ARHGEF38: variants seen among roughly 807,000 people sequenced by gnomAD.
The protein encoded by ARHGEF38 is Rho guanine nucleotide exchange factor (GEF) 38.
A neutral mutation model predicts 79.9 loss-of-function variants in ARHGEF38; 79 were observed. The ratio of observed to expected loss-of-function variants is 0.99; its 90% CI spans 0.82 to 1.19. The LOEUF is 1.19. Ranked by LOEUF, ARHGEF38 falls within the 50% of genes most tolerant of loss-of-function variation. The pLI is 0.00. For missense variants in ARHGEF38, 962 were observed against 907.2 expected (o/e 1.06, Z -0.78); for synonymous variants, 366 against 328.3 (o/e 1.11, Z -1.24).
At chr4:105,631,373 T>A in intron 4 of ARHGEF38, 1 of 1,007,102 alleles carries the variant, frequency 9.9e-7, no homozygotes, top group Non-Finnish European at 1.2e-6. Flanking sequence ...GTTCAAGGAT[T>A]ATGTGAGATA....
At position 105,667,107 on chromosome 4, in the gene ARHGEF38, A is replaced by C. The variant is rs139829404; in HGVS notation, c.1690-22A>C. The C allele has an allele frequency of 6.6e-4, 999 of 1,523,290 alleles. 8 individuals carry two copies. The African/African-American group carries it at 0.012, about 19-fold the overall frequency. 94.4% of individuals were successfully genotyped at this position (1,523,290 alleles called of 1,614,324 possible). A position where few individuals can be genotyped will look rare whatever the true frequency, so the allele number is the denominator to read the frequency against. On this transcript the variant is annotated intron_variant, in intron 11 of 13. Transcript: ENST00000420470. ...TTTATTATGTATCTGTCTAAACCAAAACTTCTCCTTATTTCTCCCAGCCAG... is the reference window on the plus strand; with the variant it reads ...TTTATTATGTATCTGTCTAAACCAACACTTCTCCTTATTTCTCCCAGCCAG...
chr4:105,574,773 A>G (rs907374076), intron 1 of ARHGEF38, among the ~76,000 whole-genome samples: 2 of 151,994 alleles, frequency 1.3e-5, no homozygotes, highest in Non-Finnish European at 1.5e-5. Flanking sequence ...TTTTGGTTAC[A>G]TAGATTGATT....
chr4:105,680,860 A>C lies in ARHGEF38; in HGVS notation c.*2923A>C, dbSNP rs200502099. On this transcript the variant is annotated 3_prime_UTR_variant, in exon 14 of 14. Transcript: ENST00000420470. Reference sequence around the variant, plus strand: ...AGCACGTATTTTCCATGATGGGATAAATGTTTTCATTTCAAGTGCCAATGT... The same window carrying C: ...AGCACGTATTTTCCATGATGGGATACATGTTTTCATTTCAAGTGCCAATGT... 1.3e-5 allele frequency: 2 copies of C among 152,174 alleles called. No individual in the cohort carries two copies. Among genetic ancestry groups the C allele is most frequent in the Non-Finnish European group, 2.9e-5 (2 of 68,018 alleles). The allele number at this position is 152,174 out of a possible 1,614,324, so 9.4% of individuals were successfully genotyped here.
At chr4:105,671,725 A>G (rs1339725552) in intron 13 of ARHGEF38, among the ~76,000 whole-genome samples, 1 of 152,202 alleles carries the variant, frequency 6.6e-6, no homozygotes, top group African/African-American at 2.4e-5. Context: ...ATATTGTAAT[A>G]TTTCACATTT....
At chr4:105,636,625 GA>G (rs1216933896) in intron 5 of ARHGEF38, among the ~76,000 whole-genome samples, 1 of 151,918 alleles carries the variant, frequency 6.6e-6, no homozygotes, top group Non-Finnish European at 1.5e-5. Context: ...AAACCTTTTA[GA>G]AGAATCCCAA....
intron 2 of ARHGEF38, among the ~76,000 whole-genome samples, chr4:105,601,873 T>C (rs773522403): frequency 6.6e-6 from 1 of 152,196 alleles, no homozygotes; most frequent in Non-Finnish European, 1.5e-5. Context: ...GTTTTATCCC[T>C]ATAACATTTA....
chr4:105,613,407 C>T lies in ARHGEF38; in HGVS notation c.408C>T (p.Ser136=). 6.2e-7 allele frequency: 1 copy of T among 1,613,238 alleles called. No homozygotes were observed. The highest frequency in any genetic ancestry group is 8.5e-7 in the Non-Finnish European group (1 of 1,179,400). Residue 136 remains serine, a synonymous_variant, in exon 3 of 14, where the codon AGC becomes AGT. Coordinates refer to ENST00000420470, the MANE Select transcript of ARHGEF38 (RefSeq NM_001242729.2). ...NKKTDRLDVD[S]LFSNIESVHQ... ...AGACTGATAGGCTGGATGTGGATAG[C>T]TTGTTTAGCAACATTGAGTCCGTGC...
intron 8 of ARHGEF38, 78 bp from the exon 9 acceptor site, chr4:105,655,525 T>A: frequency 2.8e-6 from 4 of 1,419,044 alleles, no homozygotes; most frequent in South Asian, 1.4e-5. Flanking sequence ...GTTATGCTGA[T>A]GAAGTCCACA....
intron 13 of ARHGEF38, among the ~76,000 whole-genome samples, chr4:105,671,994 C>G (rs1730971966): frequency 6.6e-6 from 1 of 152,030 alleles, no homozygotes; most frequent in Non-Finnish European, 1.5e-5. Context: ...ACAAAAAGGA[C>G]AGGTGGCCTC....
intron 1 of ARHGEF38, among the ~76,000 whole-genome samples, chr4:105,587,437 T>C (rs1250589332): frequency 6.6e-6 from 1 of 152,164 alleles, no homozygotes; most frequent in East Asian, 1.9e-4. Context: ...TGTTCTTATA[T>C]AGCTCATGTG....
intron 7 of ARHGEF38, among the ~76,000 whole-genome samples, chr4:105,653,116 G>A (rs532544838): frequency 6.6e-6 from 1 of 152,190 alleles, no homozygotes; most frequent in South Asian, 2.1e-4. Flanking sequence ...GCTATTAATA[G>A]CAGCAATAAA....
In ARHGEF38 at chr4:105,679,656, G is replaced by T. The variant is rs1731242758; in HGVS notation, c.*1719G>T. The T allele has an allele frequency of 5.0e-6, 4 of 800,518 alleles. No homozygotes were observed. Among genetic ancestry groups the T allele is most frequent in the Admixed American group, 3.5e-5 (2 of 57,748 alleles). The allele number at this position is 800,518 out of a possible 1,614,324, so 49.6% of individuals were successfully genotyped here. On this transcript the variant is annotated 3_prime_UTR_variant, in exon 14 of 14. Transcript: ENST00000420470. ...AAGCCAGAGACCTTATGGCATCCATGCTTTTAAATTTAACTAAATCCATTG... is the reference window on the plus strand; with the variant it reads ...AAGCCAGAGACCTTATGGCATCCATTCTTTTAAATTTAACTAAATCCATTG...
chr4:105,661,445 G>A (rs190945539), intron 10 of ARHGEF38, among the ~76,000 whole-genome samples: 15 of 150,288 alleles, frequency 1.0e-4, no homozygotes, highest in Admixed American at 2.0e-4. Flanking sequence ...CAGCAGTATC[G>A]ACTGAGAGTT....
intron 2 of ARHGEF38, among the ~76,000 whole-genome samples, chr4:105,601,288 A>T (rs1046095090): frequency 5.3e-5 from 8 of 152,086 alleles, no homozygotes; most frequent in African/African-American, 1.4e-4. Flanking sequence ...TTTGCCTTGA[A>T]TGCTCTTCCC....
chr4:105,559,739 G>T (rs1336224151), intron 1 of ARHGEF38, among the ~76,000 whole-genome samples: 1 of 152,084 alleles, frequency 6.6e-6, no homozygotes, highest in Non-Finnish European at 1.5e-5. Context: ...GTCCCACAAA[G>T]GAGGCAGCTA....
At chr4:105,598,839 GTT>G (rs1727699998) in intron 2 of ARHGEF38, among the ~76,000 whole-genome samples, 1 of 152,124 alleles carries the variant, frequency 6.6e-6, no homozygotes, top group Non-Finnish European at 1.5e-5. Flanking sequence ...ATGTAAGTGT[GTT>G]AATAAGGGCA....
intron 1 of ARHGEF38, among the ~76,000 whole-genome samples, chr4:105,585,945 G>A (rs1464581865): frequency 6.6e-6 from 1 of 151,616 alleles, no homozygotes; most frequent in Admixed American, 6.6e-5. Context: ...TGGTCAGGCC[G>A]GTATGAAACT....
At chr4:105,563,672 TTTAG>T (rs2110406284) in intron 1 of ARHGEF38, among the ~76,000 whole-genome samples, 1 of 152,248 alleles carries the variant, frequency 6.6e-6, no homozygotes, top group South Asian at 2.1e-4. Context: ...AACCTTAGTT[TTTAG>T]TAGTAGTACC....
intron 1 of ARHGEF38, among the ~76,000 whole-genome samples, chr4:105,556,797 C>A (rs1415931991): frequency 6.6e-6 from 1 of 152,038 alleles, no homozygotes; most frequent in African/African-American, 2.4e-5. Context: ...GACACCATGG[C>A]CTGAAATAAG....
Sources: allele counts gnomAD v4.1 joint callset (sites outside exome capture counted in the v4.1 genomes callset), GRCh38; gene constraint gnomAD v4.1.1; transcripts MANE v1.5; gene names NCBI Gene and HGNC (gene_info 2026-07-23, HGNC 2026-07-21).